Variants in OPCML observed in about 807,000 individuals in gnomAD.
The protein encoded by OPCML is opioid-binding protein/cell adhesion molecule.
Under a neutral mutation model 37.8 loss-of-function variants are expected in OPCML, and 13 were observed. That is an observed-to-expected ratio of 0.34 (90% CI 0.22 to 0.55). OPCML has a LOEUF of 0.55. Ranked by LOEUF, OPCML falls within the 20% of genes least tolerant of loss-of-function variation. The probability of loss-of-function intolerance (pLI) is 0.91; values close to 1 mark genes in which losing one functional copy is unlikely to be tolerated. For synonymous variants in OPCML, 176 were observed against 168.8 expected, an observed-to-expected ratio of 1.04 and a Z score of -0.33; for missense variants, 341 against 435.6, an observed-to-expected ratio of 0.78 and a Z score of 1.93.
At position 132,699,430 on chromosome 11, in the gene OPCML, C is replaced by G. The variant is rs180680344; in HGVS notation, c.147-42111G>C. Reference sequence around the variant, plus strand: ...TGGACATCTTTGTCTTGTTCCTCTTCTTAGAAGATAAGCTTTCATCTCTTT... The same window carrying G: ...TGGACATCTTTGTCTTGTTCCTCTTGTTAGAAGATAAGCTTTCATCTCTTT... On this transcript the variant is annotated intron_variant, in intron 2 of 7. Coordinates refer to ENST00000524381, the MANE Select transcript of OPCML (RefSeq NM_001012393.5). 1.2e-4 allele frequency among the ~76,000 whole-genome samples: 19 copies of G among 152,182 alleles called. No homozygotes were observed. The East Asian group carries it at 3.3e-3, about 26-fold the overall frequency.
At chr11:132,776,347 AT>A (rs1946808537) in intron 2 of OPCML, among the ~76,000 whole-genome samples, 1 of 152,116 alleles carries the variant, frequency 6.6e-6, no homozygotes, top group Admixed American at 6.5e-5. Flanking sequence ...TTATCTTTTC[AT>A]TTCACAAACG....
At position 133,306,342 on chromosome 11, in the gene OPCML, C is replaced by T. The variant is rs538533808; in HGVS notation, c.61+225922G>A. ...CTTCATGGATTAAATGAGACAGAAG[C>T]AATGCAAAATATCAAACAATGACAA... is the stretch of plus-strand genomic sequence containing the variant. On this transcript the variant is annotated intron_variant, in intron 1 of 7. Transcript: ENST00000524381. Among the ~76,000 whole-genome samples the T allele has an allele frequency of 1.5e-4, 23 of 152,204 alleles. No individual in the cohort carries two copies. The South Asian group carries it at 4.2e-3, about 27-fold the overall frequency.
Position 132,965,129 on chromosome 11 carries a change from C to T in OPCML, c.62-22119G>A, listed in dbSNP as rs542685165. Among the ~76,000 whole-genome samples the T allele has an allele frequency of 2.0e-5, 3 of 152,318 alleles. No homozygotes were observed. The South Asian group carries it at 6.2e-4, about 32-fold the overall frequency. On this transcript the variant is annotated intron_variant, in intron 1 of 7. Coordinates refer to ENST00000524381, the MANE Select transcript of OPCML (RefSeq NM_001012393.5). Reference sequence around the variant, plus strand: ...ATAATTAGATAAGCAGAGTTCAGATCTTCACCCTATCGCTTGTAAGCTGTG... The same window carrying T: ...ATAATTAGATAAGCAGAGTTCAGATTTTCACCCTATCGCTTGTAAGCTGTG...
intron 2 of OPCML, among the ~76,000 whole-genome samples, chr11:132,788,830 T>TTATA (rs1206041261): frequency 1.3e-5 from 2 of 152,170 alleles, no homozygotes; most frequent in African/African-American, 4.8e-5. Context: ...ATAGTCCAGG[T>TTATA]TATATTCTAC....
rs142881395 is a variant in OPCML at position 132,589,055 on chromosome 11, C to T, written c.380-59869G>A. Among the ~76,000 whole-genome samples the T allele has an allele frequency of 2.4e-3, 363 of 152,196 alleles. 1 individual carries two copies. The highest frequency in any genetic ancestry group is 3.8e-3 in the Non-Finnish European group (257 of 68,016). On this transcript the variant is annotated intron_variant, in intron 3 of 7. Transcript: ENST00000524381. ...AGCCTATCTTGGTTTGCATTTGATA[C>T]GCAATAAATAATGTCTATGGATCCT...
intron 2 of OPCML, among the ~76,000 whole-genome samples, chr11:132,796,428 A>G (rs1938311871): frequency 6.6e-6 from 1 of 152,134 alleles, no homozygotes; most frequent in Non-Finnish European, 1.5e-5. Context: ...GATAAGCGTG[A>G]TAACTTTATG....
chr11:133,458,273 TAC>T lies in OPCML; in HGVS notation c.61+73989_61+73990del, dbSNP rs759723676. Among the ~76,000 whole-genome samples the T allele has an allele frequency of 8.3e-3, 443 of 53,074 alleles. 64 individuals carry two copies. Among genetic ancestry groups the T allele is most frequent in the East Asian group, 0.026 (43 of 1,628 alleles). 34.8% of individuals were successfully genotyped at this position (53,074 alleles called of 152,430 possible). A position where few individuals can be genotyped will look rare whatever the true frequency, so the allele number is the denominator to read the frequency against. On this transcript the variant is annotated intron_variant, in intron 1 of 7. Transcript: ENST00000524381. ...ATATATATACACGTGTGTGTATATA[TAC>T]ACACATATATACACGTGTGTGTATA... is the stretch of plus-strand genomic sequence containing the variant.
intron 1 of OPCML, chr11:133,064,912 A>G (rs1238955357): frequency 6.6e-6 from 1 of 152,232 alleles, no homozygotes; most frequent in African/African-American, 2.4e-5. Context: ...CAGGACACAT[A>G]CAAGATATGA....
In OPCML at chr11:133,300,944, C is replaced by T. The variant is rs551660603; in HGVS notation, c.61+231320G>A. The T allele has an allele frequency of 2.0e-5, 3 of 152,244 alleles. No individual in the cohort carries two copies. In the East Asian group the frequency reaches 5.8e-4, roughly 29 times the overall value. The allele number at this position is 152,244 out of a possible 1,614,324, so 9.4% of individuals were successfully genotyped here. On this transcript the variant is annotated intron_variant, in intron 1 of 7. Transcript: ENST00000524381. ...GAGAGTCTCCAGGAGTACAGCCAGT[C>T]AACATGGAGATTTTGGCTCAGTGAT...
intron 1 of OPCML, among the ~76,000 whole-genome samples, chr11:133,101,569 T>C (rs552783641): frequency 6.6e-6 from 1 of 152,270 alleles, no homozygotes; most frequent in Non-Finnish European, 1.5e-5. Flanking sequence ...CAATATCAAA[T>C]GTTGATGAGG....
intron 2 of OPCML, among the ~76,000 whole-genome samples, chr11:132,681,903 C>T (rs954117960): frequency 5.9e-5 from 9 of 151,492 alleles, no homozygotes; most frequent in East Asian, 3.9e-4. Context: ...TGCAGTGAGC[C>T]GAGATCGCGC....
chr11:133,494,012 C>CA (rs11299378), intron 1 of OPCML, among the ~76,000 whole-genome samples: 103 of 139,432 alleles, frequency 7.4e-4, no homozygotes, highest in East Asian at 1.3e-3. Flanking sequence ...AACAAATTTA[C>CA]AAAAAAAAAA....
chr11:132,499,277 A>G (rs1565615509), intron 4 of OPCML, among the ~76,000 whole-genome samples: 1 of 152,322 alleles, frequency 6.6e-6, no homozygotes. Context: ...TGCAAAGACA[A>G]TCTAAGCTCC....
At chr11:133,519,781 C>A (rs1948361624) in intron 1 of OPCML, among the ~76,000 whole-genome samples, 1 of 152,216 alleles carries the variant, frequency 6.6e-6, no homozygotes, top group Non-Finnish European at 1.5e-5. Flanking sequence ...CTCTAATCTA[C>A]AGGCACGTGT....
At chr11:132,840,435 T>G (rs1941238275) in intron 2 of OPCML, among the ~76,000 whole-genome samples, 3 of 152,158 alleles carry the variant, frequency 2.0e-5, no homozygotes. Flanking sequence ...CAGTTCCCAC[T>G]GGGCCCGTTT....
intron 1 of OPCML, among the ~76,000 whole-genome samples, chr11:133,040,451 C>T (rs1466514079): frequency 6.6e-6 from 1 of 152,228 alleles, no homozygotes; most frequent in East Asian, 1.9e-4. Flanking sequence ...CAAAGCCTTT[C>T]CCCATCTGGC....
intron 1 of OPCML, among the ~76,000 whole-genome samples, chr11:133,316,731 G>A (rs1943213723): frequency 1.3e-5 from 2 of 152,112 alleles, no homozygotes; most frequent in African/African-American, 4.8e-5. Context: ...TAATATGTAT[G>A]GATATAAGTA....
chr11:133,419,386 C>A (rs1040360650), intron 1 of OPCML: 3 of 973,156 alleles, frequency 3.1e-6, no homozygotes, highest in African/African-American at 1.8e-5. Flanking sequence ...CTCGTCAGAG[C>A]TTATTGCTAA....
At chr11:133,127,442 C>T (rs1287952788) in intron 1 of OPCML, among the ~76,000 whole-genome samples, 4 of 151,766 alleles carry the variant, frequency 2.6e-5, no homozygotes, top group Non-Finnish European at 5.9e-5. Flanking sequence ...AAGATCAGCC[C>T]GGCAACCTGG....
Sources: allele counts gnomAD v4.1 joint callset (sites outside exome capture counted in the v4.1 genomes callset), GRCh38; gene constraint gnomAD v4.1.1; transcripts MANE v1.5; gene names NCBI Gene and HGNC (gene_info 2026-07-23, HGNC 2026-07-21).